Variants in MEIS2 observed in about 807,000 individuals in gnomAD.
MEIS2 encodes Meis homeobox 2.
Under a neutral mutation model 58.6 loss-of-function variants are expected in MEIS2, and 9 were observed. The observed-to-expected ratio is 0.15, with a 90% CI of 0.09 to 0.27. The LOEUF (loss-of-function observed/expected upper bound fraction) is 0.27, where lower values mean the gene tolerates loss of function less well. Ranked by LOEUF, MEIS2 falls within the 10% of genes least tolerant of loss-of-function variation. The probability of loss-of-function intolerance (pLI) is 1.00; values close to 1 mark genes in which losing one functional copy is unlikely to be tolerated. For missense variants in MEIS2, 427 were observed against 635.0 expected (o/e 0.67, Z 3.52); for synonymous variants, 221 against 228.4 (o/e 0.97, Z 0.29).
At chr15:36,939,463 T>A (rs1817298073) in intron 9 of MEIS2, among the ~76,000 whole-genome samples, 1 of 152,214 alleles carries the variant, frequency 6.6e-6, no homozygotes, top group African/African-American at 2.4e-5. Context: ...CCATTTTCTC[T>A]TTGGATCCAT....
chr15:37,073,059 A>G (rs989745406), intron 7 of MEIS2, among the ~76,000 whole-genome samples: 2 of 152,104 alleles, frequency 1.3e-5, no homozygotes, highest in African/African-American at 4.8e-5. Context: ...CCTAGAACCC[A>G]GGACAGTACT....
At chr15:36,985,214 T>A (rs540360708) in intron 8 of MEIS2, among the ~76,000 whole-genome samples, 10 of 152,188 alleles carry the variant, frequency 6.6e-5, no homozygotes, top group Admixed American at 1.3e-4. Flanking sequence ...TTTCTTTCTA[T>A]CTTTCTATCC....
chr15:37,075,572 A>G (rs1891293977), intron 7 of MEIS2, among the ~76,000 whole-genome samples: 1 of 152,114 alleles, frequency 6.6e-6, no homozygotes, highest in African/African-American at 2.4e-5. Context: ...ACATCTTAAA[A>G]AAGGAAAAAA....
At chr15:37,041,251 A>C (rs986237834) in intron 7 of MEIS2, among the ~76,000 whole-genome samples, 3 of 152,218 alleles carry the variant, frequency 2.0e-5, no homozygotes, top group African/African-American at 7.2e-5. Flanking sequence ...CTGAATCTGA[A>C]ACTCTAGGTG....
intron 8 of MEIS2, among the ~76,000 whole-genome samples, chr15:37,031,559 C>T (rs752173823): frequency 1.3e-5 from 2 of 151,898 alleles, no homozygotes; most frequent in Non-Finnish European, 2.9e-5. Context: ...ATACTTATAA[C>T]TTGGGTGCAC....
intron 8 of MEIS2, among the ~76,000 whole-genome samples, chr15:36,964,217 C>G (rs1242610775): frequency 6.6e-6 from 1 of 152,208 alleles, no homozygotes; most frequent in East Asian, 1.9e-4. Flanking sequence ...ATGAAACATT[C>G]TGGTGGATTT....
chr15:36,927,025 T>C (rs1001279790), intron 9 of MEIS2, among the ~76,000 whole-genome samples: 5 of 152,164 alleles, frequency 3.3e-5, no homozygotes, highest in East Asian at 1.9e-4. Flanking sequence ...ACGAACCAGG[T>C]TGGCAAAAAT....
chr15:36,902,144 T>C (rs1010445811), intron 9 of MEIS2, among the ~76,000 whole-genome samples: 1 of 152,322 alleles, frequency 6.6e-6, no homozygotes, highest in Middle Eastern at 3.4e-3. Flanking sequence ...GCCTGGCACA[T>C]AGCAAGCTCA....
intron 9 of MEIS2, among the ~76,000 whole-genome samples, chr15:36,934,440 C>T (rs991234763): frequency 6.6e-6 from 1 of 152,178 alleles, no homozygotes; most frequent in Non-Finnish European, 1.5e-5. Flanking sequence ...TTAATTAAAA[C>T]GTGCACAAGG....
chr15:37,003,931 C>A (rs1200020935), intron 8 of MEIS2, among the ~76,000 whole-genome samples: 3 of 152,194 alleles, frequency 2.0e-5, no homozygotes, highest in Non-Finnish European at 4.4e-5. Flanking sequence ...AATTTGCCAG[C>A]ACCATCATCT....
intron 7 of MEIS2, among the ~76,000 whole-genome samples, chr15:37,069,000 T>C (rs1276425913): frequency 6.6e-6 from 1 of 152,240 alleles, no homozygotes; most frequent in Non-Finnish European, 1.5e-5. Context: ...ATTTTTCCTC[T>C]AATTTTTAAA....
At chr15:36,915,037 GT>G (rs1273359800) in intron 9 of MEIS2, among the ~76,000 whole-genome samples, 1 of 152,104 alleles carries the variant, frequency 6.6e-6, no homozygotes, top group African/African-American at 2.4e-5. Context: ...CAAGTATCCT[GT>G]GTATGTTCTT....
chr15:36,909,465 C>A (rs1478452700), intron 9 of MEIS2, among the ~76,000 whole-genome samples: 1 of 152,036 alleles, frequency 6.6e-6, no homozygotes, highest in Non-Finnish European at 1.5e-5. Context: ...AATAAAAGAG[C>A]CCTGAGTTTA....
chr15:36,980,327 G>A (rs373008196), intron 8 of MEIS2, among the ~76,000 whole-genome samples: 70 of 152,064 alleles, frequency 4.6e-4, no homozygotes, highest in South Asian at 8.3e-4. Context: ...TCGTTTTCAC[G>A]CTGCTAATAA....
rs954908603 is a variant in MEIS2 at position 37,096,203 on chromosome 15, C to T, written c.387+86G>A. 1.1e-4 allele frequency: 154 copies of T among 1,407,674 alleles called. 1 individual carries two copies. The highest frequency in any genetic ancestry group is 3.3e-5 in the Non-Finnish European group (35 of 1,044,932). 87.2% of individuals were successfully genotyped at this position (1,407,674 alleles called of 1,614,324 possible). ...AGAGGAACAGATAGGGTGTCCCTGG[C>T]CTTTCCTCCTTTCAAGTAAAGCTCC... On this transcript the variant is annotated intron_variant, in intron 3 of 11. Transcript: ENST00000561208.
At chr15:37,067,859 A>C (rs963170837) in intron 7 of MEIS2, among the ~76,000 whole-genome samples, 2 of 152,186 alleles carry the variant, frequency 1.3e-5, no homozygotes, top group Non-Finnish European at 2.9e-5. Context: ...CCTGAAATAG[A>C]AATTTACAGA....
intron 7 of MEIS2, among the ~76,000 whole-genome samples, chr15:37,073,641 TA>T (rs1891002085): frequency 1.3e-5 from 2 of 151,990 alleles, no homozygotes; most frequent in African/African-American, 4.8e-5. Flanking sequence ...ATCCATGAGG[TA>T]GAGTCCATAA....
intron 7 of MEIS2, among the ~76,000 whole-genome samples, chr15:37,050,603 G>A (rs1459372825): frequency 6.6e-6 from 1 of 152,052 alleles, no homozygotes; most frequent in Non-Finnish European, 1.5e-5. Flanking sequence ...CTAAATATCT[G>A]ACATTTTTCT....
chr15:37,078,529 A>T (rs377144214), intron 7 of MEIS2, among the ~76,000 whole-genome samples: 3 of 1,342 alleles, frequency 2.2e-3, no homozygotes, highest in Non-Finnish European at 3.5e-3. Context: ...CCAGAGTTTT[A>T]AAAAAATCTA....
Sources: gnomAD v4.1 joint callset for allele counts (sites outside exome capture counted in the v4.1 genomes callset) on GRCh38, gnomAD v4.1.1 for gene constraint, MANE v1.5 for transcripts, NCBI Gene and HGNC (gene_info 2026-07-23, HGNC 2026-07-21) for gene names.